CDH18: variants seen among roughly 807,000 people sequenced by gnomAD.
CDH18 encodes cadherin 18, also known as cadherin-18.
A neutral mutation model predicts 67.9 loss-of-function variants in CDH18; 31 were observed. That is an observed-to-expected ratio of 0.46 (90% confidence interval 0.34 to 0.62). CDH18 has a LOEUF of 0.62. Among genes scored for constraint, CDH18 ranks in the 20% least tolerant of loss-of-function variants. CDH18 has a pLI of 0.01. For missense variants in CDH18, 890 were observed against 975.5 expected (o/e 0.91, Z 1.17); for synonymous variants, 362 against 347.2 (o/e 1.04, Z -0.48).
chr5:20,443,884 G>C (rs1198725933), intron 1 of CDH18, among the ~76,000 whole-genome samples: 1 of 151,752 alleles, frequency 6.6e-6, no homozygotes, highest in East Asian at 1.9e-4. Context: ...AGAAGGATAG[G>C]ATTTTATTTC....
intron 2 of CDH18, among the ~76,000 whole-genome samples, chr5:20,143,766 A>G (rs1750426634): frequency 1.3e-5 from 2 of 152,170 alleles, no homozygotes; most frequent in East Asian, 1.9e-4. Flanking sequence ...TGAAAGATCA[A>G]TTGCTAAGCA....
At chr5:20,418,121 G>C (rs908464776) in intron 1 of CDH18, among the ~76,000 whole-genome samples, 2 of 151,822 alleles carry the variant, frequency 1.3e-5, no homozygotes, top group Non-Finnish European at 2.9e-5. Flanking sequence ...GTCGGCCGGG[G>C]CTGGAGTGCA....
chr5:20,193,093 T>C (rs1015064365), intron 2 of CDH18, among the ~76,000 whole-genome samples: 3 of 152,134 alleles, frequency 2.0e-5, no homozygotes, highest in Admixed American at 2.0e-4. Flanking sequence ...TTCCTAAGTA[T>C]TGTATTCTCT....
chr5:20,172,191 T>TGTATATATATATATAC (rs58954524), intron 2 of CDH18, among the ~76,000 whole-genome samples: 1 of 5,534 alleles, frequency 1.8e-4, no homozygotes, highest in African/African-American at 3.9e-4. Context: ...GCATTGTGTG[T>TGTATATATATATATAC]ATATATATAT....
At chr5:19,797,622 T>C (rs978614395) in intron 3 of CDH18, among the ~76,000 whole-genome samples, 17 of 152,130 alleles carry the variant, frequency 1.1e-4, no homozygotes, top group African/African-American at 3.6e-4. Flanking sequence ...TAATAAAACA[T>C]GCACATAATG....
chr5:20,313,697 T>C (rs4242068), intron 1 of CDH18, among the ~76,000 whole-genome samples: 150,767 of 152,092 alleles, frequency 0.99, 74,748 homozygotes, highest in Middle Eastern at 1. Context: ...AAATGAGGGA[T>C]AGTGCACAGT....
At chr5:20,435,769 A>C (rs1195767331) in intron 1 of CDH18, among the ~76,000 whole-genome samples, 1 of 152,098 alleles carries the variant, frequency 6.6e-6, no homozygotes, top group Admixed American at 6.6e-5. Flanking sequence ...GACACTTTTT[A>C]AGATACTTAA....
chr5:19,719,815 A>G (rs577089261), intron 5 of CDH18, among the ~76,000 whole-genome samples: 1 of 151,818 alleles, frequency 6.6e-6, no homozygotes, highest in Admixed American at 6.6e-5. Context: ...CTATATCTAT[A>G]TATGTTCTAC....
At chr5:20,108,936 GTAA>G (rs1747221045) in intron 2 of CDH18, among the ~76,000 whole-genome samples, 1 of 152,164 alleles carries the variant, frequency 6.6e-6, no homozygotes, top group African/African-American at 2.4e-5. Context: ...TCACATGTAT[GTAA>G]TAATAAGTTA....
chr5:20,143,080 A>G (rs1444974010), intron 2 of CDH18, among the ~76,000 whole-genome samples: 1 of 152,202 alleles, frequency 6.6e-6, no homozygotes, highest in African/African-American at 2.4e-5. Flanking sequence ...CTGTTAGTAA[A>G]ACTATGGACA....
intron 2 of CDH18, among the ~76,000 whole-genome samples, chr5:19,846,627 G>A (rs576852716): frequency 8.5e-4 from 129 of 152,246 alleles, no homozygotes; most frequent in African/African-American, 3.1e-3. Context: ...TTTCATATAT[G>A]TGGGTTCCAC....
Position 19,981,107 on chromosome 5 carries a change from T to C in CDH18, c.-304A>G, listed in dbSNP as rs1295583910. 1 of 152,158 alleles carries C rather than the reference T, an allele frequency of 6.6e-6. No homozygotes were observed. Among genetic ancestry groups the C allele is most frequent in the Non-Finnish European group, 1.5e-5 (1 of 68,044 alleles). 9.4% of individuals were successfully genotyped at this position (152,158 alleles called of 1,614,324 possible). On this transcript the variant is annotated 5_prime_UTR_variant, in exon 2 of 13. The change abolishes an upstream ATG in the 5' untranslated region. Transcript: ENST00000382275. ...TGTCACTCTGCTGCAGACACCATCA[T>C]CTCTCCCCAGAATTCTTGGGATAGA...
chr5:20,439,461 A>C (rs2150188103), intron 1 of CDH18, among the ~76,000 whole-genome samples: 1 of 151,642 alleles, frequency 6.6e-6, no homozygotes, highest in South Asian at 2.1e-4. Context: ...ACACACACAC[A>C]CATACACATG....
intron 2 of CDH18, among the ~76,000 whole-genome samples, chr5:19,998,256 G>A (rs1736164550): frequency 6.6e-6 from 1 of 152,090 alleles, no homozygotes; most frequent in African/African-American, 2.4e-5. Context: ...GGCTACATAA[G>A]TTTTGTTAGA....
At chr5:19,791,395 G>A (rs1349704381) in intron 3 of CDH18, among the ~76,000 whole-genome samples, 1 of 84,826 alleles carries the variant, frequency 1.2e-5, no homozygotes, top group Admixed American at 1.2e-4. Context: ...ACACACATCT[G>A]TTCAGCACAT....
At chr5:19,957,251 T>C (rs1796336874) in intron 2 of CDH18, among the ~76,000 whole-genome samples, 1 of 151,800 alleles carries the variant, frequency 6.6e-6, no homozygotes, top group African/African-American at 2.4e-5. Flanking sequence ...TTTTGTACTT[T>C]CAGAGTGAAT....
intron 1 of CDH18, among the ~76,000 whole-genome samples, chr5:20,257,489 G>A (rs1744338333): frequency 6.9e-6 from 1 of 144,788 alleles, no homozygotes; most frequent in African/African-American, 2.6e-5. Flanking sequence ...TTGCTCTATT[G>A]CTATCACAGG....
At chr5:19,783,763 C>T (rs1205813399) in intron 3 of CDH18, among the ~76,000 whole-genome samples, 2 of 152,156 alleles carry the variant, frequency 1.3e-5, no homozygotes, top group Admixed American at 6.6e-5. Context: ...CAATGTCTGA[C>T]ATTGAGTACT....
chr5:20,153,133 G>A (rs928063582), intron 2 of CDH18, among the ~76,000 whole-genome samples: 3 of 151,646 alleles, frequency 2.0e-5, no homozygotes, highest in African/African-American at 7.3e-5. Flanking sequence ...TAGTACAGAC[G>A]GGGTTTCACT....
Sources: gnomAD v4.1 joint callset for allele counts (sites outside exome capture counted in the v4.1 genomes callset) on GRCh38, gnomAD v4.1.1 for gene constraint, MANE v1.5 for transcripts, NCBI Gene and HGNC (gene_info 2026-07-23, HGNC 2026-07-21) for gene names.